The following SH3RF1 variants were observed in gnomAD, a reference collection of about 807,000 sequenced individuals.
SH3RF1 encodes the protein SH3 domain containing ring finger 1, also known as E3 ubiquitin-protein ligase SH3RF1.
Under a neutral mutation model 74.0 loss-of-function variants are expected in SH3RF1, and 32 were observed. The ratio of observed to expected loss-of-function variants is 0.43; its 90% confidence interval spans 0.33 to 0.58. The LOEUF is 0.58. SH3RF1 is among the 20% of genes least tolerant of loss of function. The pLI is 0.05. For synonymous variants in SH3RF1, 396 were observed against 439.6 expected, an observed-to-expected ratio of 0.90 and a Z score of 1.24; for missense variants, 954 against 1,130.9, an observed-to-expected ratio of 0.84 and a Z score of 2.24.
intron 2 of SH3RF1, among the ~76,000 whole-genome samples, chr4:169,265,263 C>T (rs1731334579): frequency 6.6e-6 from 1 of 152,108 alleles, no homozygotes; most frequent in South Asian, 2.1e-4. Flanking sequence ...TGCCCGGCAC[C>T]TAATGAGTGC....
rs566268177 is a variant in SH3RF1 at position 169,119,215 on chromosome 4, T to C, written c.1518-1433A>G. Among the ~76,000 whole-genome samples the C allele has an allele frequency of 1.7e-3, 253 of 151,258 alleles. 2 individuals are homozygous for C. The highest frequency in any genetic ancestry group is 5.9e-3 in the African/African-American group (243 of 41,212). On this transcript the variant is annotated intron_variant, in intron 8 of 11. Coordinates refer to ENST00000284637, the MANE Select transcript of SH3RF1 (RefSeq NM_020870.4). ...GCCTCCCAGGTTCAAGTGATTATCC[T>C]GCCTCAACCTCCAAAGTAGCTGGGT...
intron 2 of SH3RF1, among the ~76,000 whole-genome samples, chr4:169,160,133 G>T (rs1187074311): frequency 6.6e-6 from 1 of 151,982 alleles, no homozygotes; most frequent in Non-Finnish European, 1.5e-5. Flanking sequence ...AATTAGCTCT[G>T]TTTGGCCCAC....
intron 2 of SH3RF1, among the ~76,000 whole-genome samples, chr4:169,265,771 T>G (rs956922942): frequency 6.6e-6 from 1 of 152,196 alleles, no homozygotes; most frequent in African/African-American, 2.4e-5. Context: ...CCACCACACC[T>G]GGCCAGCTTA....
chr4:169,104,129 C>T (rs1733090766), intron 11 of SH3RF1, among the ~76,000 whole-genome samples: 1 of 152,158 alleles, frequency 6.6e-6, no homozygotes, highest in Non-Finnish European at 1.5e-5. Context: ...CATCTGGCAA[C>T]TGAAAAGGAA....
At chr4:169,128,466 T>C (rs1425652033) in intron 6 of SH3RF1, among the ~76,000 whole-genome samples, 1 of 152,228 alleles carries the variant, frequency 6.6e-6, no homozygotes, top group Non-Finnish European at 1.5e-5. Flanking sequence ...CTTTAACCTC[T>C]AGCTACAACA....
chr4:169,113,036 CCTTTGATAAT>C (rs979805987), intron 10 of SH3RF1, among the ~76,000 whole-genome samples: 2 of 152,070 alleles, frequency 1.3e-5, no homozygotes, highest in African/African-American at 4.8e-5. Flanking sequence ...CAACCAATAA[CCTTTGATAAT>C]CTGGTGAATC....
chr4:169,105,381 A>G (rs1045527867), intron 11 of SH3RF1, among the ~76,000 whole-genome samples: 8 of 152,204 alleles, frequency 5.3e-5, no homozygotes, highest in African/African-American at 1.9e-4. Flanking sequence ...CCTGGTAGCT[A>G]TTTGTCTCAT....
At position 169,116,355 on chromosome 4, in the gene SH3RF1, C is replaced by T. The variant is rs142784625; in HGVS notation, c.2053G>A (p.Val685Ile). 46 of 1,614,000 alleles carry T rather than the reference C, an allele frequency of 2.9e-5. No homozygotes were observed. Among genetic ancestry groups the T allele is most frequent in the Admixed American group, 1.0e-4 (6 of 59,994 alleles). Residue 685 changes from valine to isoleucine, a missense_variant, in exon 10 of 12, where the codon GTT becomes ATT. Coordinates refer to ENST00000284637, the MANE Select transcript of SH3RF1 (RefSeq NM_020870.4). ...EAEPSGRIVT[V>I]LPGLPTSPDS... ...GGAGATGTGGGGAGTCCAGGGAGAA[C>T]GGTCACTATCCGGCCACTGGGCTCA...
chr4:169,122,861 G>C (rs892469730), intron 6 of SH3RF1, among the ~76,000 whole-genome samples: 6 of 152,152 alleles, frequency 3.9e-5, no homozygotes, highest in Admixed American at 2.0e-4. Context: ...TACTATCGAG[G>C]CTGGTAATCT....
At chr4:169,124,596 T>C (rs77799010) in intron 6 of SH3RF1, among the ~76,000 whole-genome samples, 3,242 of 152,296 alleles carry the variant, frequency 0.021, 118 homozygotes, top group African/African-American at 0.075. Context: ...CTTTTCCCAG[T>C]GCATGCATGT....
chr4:169,252,443 T>C (rs1420901637), intron 2 of SH3RF1, among the ~76,000 whole-genome samples: 3 of 152,230 alleles, frequency 2.0e-5, no homozygotes, highest in Non-Finnish European at 4.4e-5. Context: ...AAAAGGGCTA[T>C]GAAAATTGCT....
At chr4:169,245,544 A>G (rs1730981160) in intron 2 of SH3RF1, among the ~76,000 whole-genome samples, 2 of 152,164 alleles carry the variant, frequency 1.3e-5, no homozygotes, top group Admixed American at 1.3e-4. Flanking sequence ...CCAGAAAACA[A>G]AGCTCCAATT....
chr4:169,267,009 G>A (rs1337565803), intron 2 of SH3RF1, among the ~76,000 whole-genome samples: 1 of 152,144 alleles, frequency 6.6e-6, no homozygotes, highest in Non-Finnish European at 1.5e-5. Context: ...TGCTAAAGAA[G>A]AAACATGAAG....
At chr4:169,233,753 A>G (rs531074699) in intron 2 of SH3RF1, among the ~76,000 whole-genome samples, 1 of 152,136 alleles carries the variant, frequency 6.6e-6, no homozygotes, top group Non-Finnish European at 1.5e-5. Flanking sequence ...CTACCCTATT[A>G]TTTCACAGAA....
At chr4:169,158,489 T>C (rs1310293540) in intron 2 of SH3RF1, among the ~76,000 whole-genome samples, 1 of 152,174 alleles carries the variant, frequency 6.6e-6, no homozygotes, top group South Asian at 2.1e-4. Flanking sequence ...GTATAACATA[T>C]GAAAGAGTTT....
intron 2 of SH3RF1, among the ~76,000 whole-genome samples, chr4:169,267,354 A>ATC (rs931776954): frequency 2.9e-4 from 44 of 152,306 alleles, no homozygotes; most frequent in African/African-American, 1.0e-3. Context: ...AAAGATGCAA[A>ATC]TCTACACCTT....
intron 2 of SH3RF1, among the ~76,000 whole-genome samples, chr4:169,249,938 G>A (rs1355553284): frequency 6.6e-6 from 1 of 152,002 alleles, no homozygotes; most frequent in African/African-American, 2.4e-5. Flanking sequence ...CCCACAATAT[G>A]GTTGTATTAT....
At chr4:169,209,136 A>G (rs923431448) in intron 2 of SH3RF1, among the ~76,000 whole-genome samples, 3 of 152,040 alleles carry the variant, frequency 2.0e-5, no homozygotes, top group Admixed American at 6.5e-5. Flanking sequence ...TAAAAATACA[A>G]AAATCAGCCA....
At chr4:169,196,537 T>G (rs868320733) in intron 2 of SH3RF1, among the ~76,000 whole-genome samples, 8 of 152,332 alleles carry the variant, frequency 5.3e-5, no homozygotes, top group East Asian at 1.9e-4. Flanking sequence ...TCCAGGGAAT[T>G]TAAACTTGTT....
Sources: gnomAD v4.1 joint callset for allele counts (sites outside exome capture counted in the v4.1 genomes callset) on GRCh38, gnomAD v4.1.1 for gene constraint, MANE v1.5 for transcripts, NCBI Gene and HGNC (gene_info 2026-07-23, HGNC 2026-07-21) for gene names.